MOBP: variants seen among roughly 807,000 people sequenced by gnomAD.
The protein encoded by MOBP is myelin-associated oligodendrocyte basic protein.
Under a neutral mutation model 15.0 loss-of-function variants are expected in MOBP, and 5 were observed. That is an observed-to-expected ratio of 0.33 (90% CI 0.17 to 0.70). The LOEUF (loss-of-function observed/expected upper bound fraction) is 0.70, where lower values mean the gene tolerates loss of function less well. Among genes scored for constraint, MOBP ranks in the 30% least tolerant of loss-of-function variants. MOBP has a pLI of 0.67. For synonymous variants in MOBP, 88 were observed against 99.0 expected (o/e 0.89, Z 0.66); for missense variants, 188 against 257.8 (o/e 0.73, Z 1.85).
At chr3:39,476,646 A>G (rs2042549543) in intron 1 of MOBP, among the ~76,000 whole-genome samples, 1 of 151,944 alleles carries the variant, frequency 6.6e-6, no homozygotes, top group African/African-American at 2.4e-5. Flanking sequence ...CCTTCCCTTC[A>G]GTGTGGTTAT....
exon 5 of MOBP, chr3:39,513,621 C>A: frequency 3.3e-6 from 2 of 607,792 alleles, no homozygotes; most frequent in Non-Finnish European, 2.9e-6. Context: ...GCAGGGCTAT[C>A]TCTGTGTGTT....
intron 2 of MOBP, among the ~76,000 whole-genome samples, chr3:39,487,402 A>G (rs1044681047): frequency 1.3e-5 from 2 of 151,922 alleles, no homozygotes; most frequent in Admixed American, 1.3e-4. Context: ...TTTGAATAGA[A>G]CTGTTCCACT....
intron 2 of MOBP, among the ~76,000 whole-genome samples, chr3:39,495,696 T>G (rs2042868267): frequency 7.3e-6 from 1 of 136,858 alleles, no homozygotes; most frequent in Non-Finnish European, 1.5e-5. Context: ...GAGGCTGCAG[T>G]GAACTGTGAT....
chr3:39,474,177 T>C (rs559708812), intron 1 of MOBP, among the ~76,000 whole-genome samples: 37 of 152,374 alleles, frequency 2.4e-4, no homozygotes, highest in African/African-American at 8.2e-4. Context: ...TGATACTTGA[T>C]GGTTTATGTA....
At chr3:39,484,311 G>A (rs1372120558) in intron 2 of MOBP, among the ~76,000 whole-genome samples, 3 of 152,186 alleles carry the variant, frequency 2.0e-5, no homozygotes, top group Non-Finnish European at 4.4e-5. Context: ...GGGAGGTGAA[G>A]GACAGAGACC....
intron 3 of MOBP, among the ~76,000 whole-genome samples, chr3:39,523,306 C>T (rs9822143): frequency 0.051 from 7,748 of 152,140 alleles, 706 homozygotes; most frequent in African/African-American, 0.18. Context: ...GGAGTATATT[C>T]GCCTCTCAGT....
chr3:39,496,487 C>G (rs1018394359), intron 2 of MOBP, among the ~76,000 whole-genome samples: 1 of 150,296 alleles, frequency 6.7e-6, no homozygotes, highest in Non-Finnish European at 1.5e-5. Context: ...GCGTGAGCCA[C>G]CACGCCTGGC....
intron 2 of MOBP, among the ~76,000 whole-genome samples, chr3:39,484,679 A>G (rs781408091): frequency 7.2e-5 from 11 of 152,220 alleles, no homozygotes; most frequent in Non-Finnish European, 7.3e-5. Context: ...TCAGAAAACT[A>G]CTGCACTTCT....
chr3:39,495,517 C>G (rs981837747), intron 2 of MOBP, among the ~76,000 whole-genome samples: 1 of 151,386 alleles, frequency 6.6e-6, no homozygotes, highest in East Asian at 1.9e-4. Flanking sequence ...TGGTGGCTCA[C>G]ACCTGTAATC....
At chr3:39,489,342 TGTC>T (rs527377302) in intron 2 of MOBP, among the ~76,000 whole-genome samples, 38 of 152,304 alleles carry the variant, frequency 2.5e-4, no homozygotes, top group Non-Finnish European at 4.7e-4. Flanking sequence ...AGTCTGTTAA[TGTC>T]TTCTTCTCTG....
chr3:39,495,965 A>G (rs1412220885), intron 2 of MOBP, among the ~76,000 whole-genome samples: 1 of 151,848 alleles, frequency 6.6e-6, no homozygotes, highest in African/African-American at 2.4e-5. Flanking sequence ...ATAATTACAG[A>G]TTTATTACAA....
intron 2 of MOBP, among the ~76,000 whole-genome samples, chr3:39,487,425 G>A (rs2042728510): frequency 6.6e-6 from 1 of 151,764 alleles, no homozygotes; most frequent in African/African-American, 2.4e-5. Flanking sequence ...TCTATTTCTG[G>A]GCAATGCCAC....
chr3:39,506,361 T>C (rs1281185883), downstream of MOBP, among the ~76,000 whole-genome samples: 7 of 152,148 alleles, frequency 4.6e-5, no homozygotes, highest in Admixed American at 6.5e-5. Context: ...GAATTCCTCT[T>C]GTGCAGATTC....
At chr3:39,506,386 A>G (rs901037982), downstream of MOBP, among the ~76,000 whole-genome samples, 3 of 152,132 alleles carry the variant, frequency 2.0e-5, no homozygotes, top group Admixed American at 6.6e-5. Flanking sequence ...AGAAGTAACA[A>G]TGCAAGGGCA....
intron 1 of MOBP, among the ~76,000 whole-genome samples, chr3:39,476,012 T>C (rs1279121120): frequency 6.6e-6 from 1 of 152,208 alleles, no homozygotes; most frequent in Non-Finnish European, 1.5e-5. Context: ...GGCTCATGGT[T>C]TTGCAGGCTG....
At chr3:39,498,449 C>CG (rs2042918047) in intron 2 of MOBP, among the ~76,000 whole-genome samples, 1 of 152,068 alleles carries the variant, frequency 6.6e-6, no homozygotes, top group South Asian at 2.1e-4. Flanking sequence ...CTCCCGGGTT[C>CG]CAGCGATTCT....
chr3:39,485,876 T>C (rs606973), intron 2 of MOBP, among the ~76,000 whole-genome samples: 45,383 of 152,122 alleles, frequency 0.3, 9,159 homozygotes, highest in African/African-American at 0.57. Context: ...TTAAGAATAT[T>C]TGTAATATGA....
At chr3:39,508,711 G>A (rs547504679) in intron 4 of MOBP, among the ~76,000 whole-genome samples, 2 of 152,038 alleles carry the variant, frequency 1.3e-5, no homozygotes, top group South Asian at 4.1e-4. Context: ...CACCATGCCT[G>A]GCTAATTTTT....
rs145435148 is a variant in MOBP, at chr3:39,487,565, C to T, written c.-5+7442C>T. Among the ~76,000 whole-genome samples the T allele has an allele frequency of 7.3e-3, 1,061 of 145,884 alleles. 10 individuals are homozygous for T. Among genetic ancestry groups the T allele is most frequent in the African/African-American group, 0.026 (1,028 of 39,130 alleles). On this transcript the variant is annotated intron_variant, in intron 2 of 3. Transcript: ENST00000684792. ...TTGAGATGGAGTCTCATTCTGTCGC[C>T]CAGGCTGGAGTGCAGTGGTGTGATC...
Sources: gnomAD v4.1 joint callset for allele counts (sites outside exome capture counted in the v4.1 genomes callset) on GRCh38, gnomAD v4.1.1 for gene constraint, MANE v1.5 for transcripts, NCBI Gene and HGNC (gene_info 2026-07-23, HGNC 2026-07-21) for gene names.